PIEZO2: variants seen among roughly 807,000 people sequenced by gnomAD.
PIEZO2 encodes piezo-type mechanosensitive ion channel component 2.
In PIEZO2, 172 loss-of-function variants were observed where a neutral mutation model predicts 337.3. The ratio of observed to expected loss-of-function variants is 0.51; its 90% confidence interval spans 0.45 to 0.58. The LOEUF is 0.58. Among genes scored for constraint, PIEZO2 ranks in the 20% least tolerant of loss-of-function variants. The pLI is 0.00. For synonymous variants in PIEZO2, 1,251 were observed against 1,228.5 expected (o/e 1.02, Z -0.38); for missense variants, 3,028 against 3,391.3 (o/e 0.89, Z 2.66).
At chr18:10,814,201 C>T (rs1271433692) in intron 7 of PIEZO2, among the ~76,000 whole-genome samples, 1 of 152,008 alleles carries the variant, frequency 6.6e-6, no homozygotes, top group Admixed American at 6.5e-5. Flanking sequence ...GATCTCCTGA[C>T]CTCATGATCT....
rs929797069 is a variant in PIEZO2 at position 10,870,815 on chromosome 18, A to C, written c.492+438T>G. ...CCAAGTTAACACCAGTCCACTGAGC[A>C]GGACAAGGTGCACAGACTGGAAAGC... On this transcript the variant is annotated intron_variant, in intron 5 of 55. Transcript: ENST00000674853. This position sits in a 1 kb window ranked among gnomAD's most constrained non-coding sequence, Gnocchi z 5.3. Among the ~76,000 whole-genome samples, 10 of 152,238 alleles carry C rather than the reference A, an allele frequency of 6.6e-5. No homozygotes were observed. Among genetic ancestry groups the C allele is most frequent in the African/African-American group, 2.4e-4 (10 of 41,462 alleles).
rs556302953 is a variant in PIEZO2 at position 10,920,357 on chromosome 18, G to A, written c.287-9129C>T. Among the ~76,000 whole-genome samples, 39 of 152,156 alleles carry A rather than the reference G, an allele frequency of 2.6e-4. No homozygotes were observed. In the South Asian group the frequency reaches 2.7e-3, roughly 11 times the overall value. On this transcript the variant is annotated intron_variant, in intron 3 of 55. Coordinates refer to ENST00000674853, the MANE Select transcript of PIEZO2 (RefSeq NM_001378183.1). ...GTGTCTTTTAGGAGATACGGCACTC[G>A]TCAGCAAAAAGTTATCGGAACAGTT... is the stretch of plus-strand genomic sequence containing the variant.
intron 12 of PIEZO2, among the ~76,000 whole-genome samples, 163 bp downstream of exon 12, chr18:10,797,207 ATATC>A (rs2039640044): frequency 9.2e-6 from 1 of 108,430 alleles, no homozygotes. Flanking sequence ...CCATCATATC[ATATC>A]TTACATACCA....
chr18:10,753,733 A>G (rs1490147674), intron 27 of PIEZO2, among the ~76,000 whole-genome samples: 1 of 152,218 alleles, frequency 6.6e-6, no homozygotes, highest in Non-Finnish European at 1.5e-5. Flanking sequence ...TAAAATATGC[A>G]CTACACTTGA....
Position 10,726,478 on chromosome 18 carries a change from C to A in PIEZO2, c.5029+4929G>T. 6.6e-7 allele frequency: 1 copy of A among 1,522,986 alleles called. No homozygotes were observed. The highest frequency in any genetic ancestry group is 8.8e-7 in the Non-Finnish European group (1 of 1,141,162). 94.3% of individuals were successfully genotyped at this position (1,522,986 alleles called of 1,614,324 possible). A position where few individuals can be genotyped will look rare whatever the true frequency, so the allele number is the denominator to read the frequency against. ...AACCCCACGAGGAGGGCCTGGCCAC[C>A]CTGCACAGCGTGCTGCTCCGCAAGC... On this transcript the variant is annotated intron_variant, in intron 36 of 55. Transcript: ENST00000674853. The surrounding 1 kb of genome is among the most constrained non-coding windows in gnomAD (Gnocchi z 5.9).
intron 1 of PIEZO2, among the ~76,000 whole-genome samples, chr18:11,113,514 T>C (rs1397777631): frequency 1.3e-5 from 2 of 152,214 alleles, no homozygotes; most frequent in Non-Finnish European, 2.9e-5. Flanking sequence ...TCCTTCTTCC[T>C]GCTCTGCCCA....
rs1281946217 is a variant in PIEZO2 at position 11,116,776 on chromosome 18, T to C, written c.64+31749A>G. Among the ~76,000 whole-genome samples the C allele has an allele frequency of 1.3e-5, 2 of 151,582 alleles. No individual in the cohort carries two copies. The highest frequency in any genetic ancestry group is 2.9e-5 in the Non-Finnish European group (2 of 67,910). On this transcript the variant is annotated intron_variant, in intron 1 of 55. Transcript: ENST00000674853. This position sits in a 1 kb window ranked among gnomAD's most constrained non-coding sequence, Gnocchi z 5.0. ...TCTACTGAATGTTACTCCATCTAAC[T>C]GTATAGCACAGTAGGGTGACTATAG...
At chr18:10,774,441 C>A (rs1051427447) in intron 18 of PIEZO2, among the ~76,000 whole-genome samples, 6 of 128,448 alleles carry the variant, frequency 4.7e-5, no homozygotes, top group African/African-American at 1.7e-4. Flanking sequence ...TCCCACTCTG[C>A]CATCTAAAGC....
In PIEZO2 at chr18:10,791,242, A is replaced by G. The variant is rs1237831481; in HGVS notation, c.1841T>C (p.Leu614Ser). 2.6e-6 allele frequency: 4 copies of G among 1,536,274 alleles called. No homozygotes were observed. The highest frequency in any genetic ancestry group is 1.7e-4 in the Middle Eastern group (1 of 6,002). ...QKALQEKEAL[L>S]SEVKIGSQEN... ...CTGACTGCCAATTTTGACTTCCGAT[A>G]AAAGAGCTTCCTTTTCTTGCAGAGC... Residue 614 changes from leucine (L) to serine (S), a missense_variant, in exon 14 of 56, where the codon TTA (leucine) becomes TCA (serine). By Grantham distance (145) the Leu-to-Ser change is moderately radical. This residue lies in a region of PIEZO2 where 1,925 missense variants were observed against 2,051.9 expected (regional missense o/e 0.94). Transcript: ENST00000674853.
intron 8 of PIEZO2, among the ~76,000 whole-genome samples, chr18:10,804,793 G>C (rs1015533674): frequency 1.3e-5 from 2 of 152,132 alleles, no homozygotes; most frequent in African/African-American, 4.8e-5. Flanking sequence ...TTGGTGGCCG[G>C]TATTTTTCAT....
chr18:10,927,443 G>C (rs2031814632), intron 3 of PIEZO2, among the ~76,000 whole-genome samples: 1 of 152,132 alleles, frequency 6.6e-6, no homozygotes, highest in Non-Finnish European at 1.5e-5. Context: ...CCAGGCCATC[G>C]GAGAGGAGCT....
At chr18:10,796,507 T>TA (rs2039604383) in intron 12 of PIEZO2, among the ~76,000 whole-genome samples, 1 of 152,186 alleles carries the variant, frequency 6.6e-6, no homozygotes, top group Non-Finnish European at 1.5e-5. Flanking sequence ...CAATGTCATT[T>TA]AAAAAAACTA....
At chr18:10,810,988 C>T (rs892188489) in intron 7 of PIEZO2, among the ~76,000 whole-genome samples, 1 of 152,178 alleles carries the variant, frequency 6.6e-6, no homozygotes, top group South Asian at 2.1e-4. Flanking sequence ...ACATCCATGG[C>T]CTATCATCTG....
intron 1 of PIEZO2, among the ~76,000 whole-genome samples, chr18:11,140,157 G>A (rs1187027571): frequency 6.6e-6 from 1 of 152,144 alleles, no homozygotes; most frequent in Admixed American, 6.5e-5. Flanking sequence ...ATGGACACCT[G>A]AGGCTCCCTT....
rs1471923303 is a variant in PIEZO2 at position 11,136,183 on chromosome 18, G to A, written c.64+12342C>T. 6.6e-5 allele frequency among the ~76,000 whole-genome samples: 10 copies of A among 152,354 alleles called. No individual in the cohort carries two copies. In the South Asian group the frequency reaches 1.5e-3, roughly 22 times the overall value. Reference sequence around the variant, plus strand: ...AAAATAGTGATAAGTGGAGTCCAGTGAATGAGGCGGGGGCATCCGGCACTG... The same window carrying A: ...AAAATAGTGATAAGTGGAGTCCAGTAAATGAGGCGGGGGCATCCGGCACTG... On this transcript the variant is annotated intron_variant, in intron 1 of 55. Coordinates refer to ENST00000674853, the MANE Select transcript of PIEZO2 (RefSeq NM_001378183.1).
intron 4 of PIEZO2, among the ~76,000 whole-genome samples, chr18:10,892,583 T>C (rs1248748922): frequency 6.6e-6 from 1 of 152,092 alleles, no homozygotes; most frequent in African/African-American, 2.4e-5. Flanking sequence ...TATTTTCAAA[T>C]TCATAGAACT....
chr18:11,011,640 T>A (rs2035906955), intron 2 of PIEZO2, among the ~76,000 whole-genome samples: 1 of 152,218 alleles, frequency 6.6e-6, no homozygotes, highest in Admixed American at 6.5e-5. Context: ...ATATCTATTT[T>A]TCTATCATAT....
chr18:10,927,825 G>A (rs541196077), intron 3 of PIEZO2, among the ~76,000 whole-genome samples: 1 of 152,190 alleles, frequency 6.6e-6, no homozygotes, highest in Admixed American at 6.5e-5. Context: ...CTTTTCTGGG[G>A]TTGATAACTA....
chr18:10,926,282 C>G (rs960882305), intron 3 of PIEZO2, among the ~76,000 whole-genome samples: 1 of 152,162 alleles, frequency 6.6e-6, no homozygotes, highest in African/African-American at 2.4e-5. Flanking sequence ...CATTCAGCGG[C>G]GTCACGTTCA....
Sources: allele counts gnomAD v4.1 joint callset (sites outside exome capture counted in the v4.1 genomes callset), GRCh38; gene constraint gnomAD v4.1.1; regional missense constraint gnomAD v4.1.1; non-coding constraint Gnocchi (gnomAD v3.1); transcripts MANE v1.5; gene names NCBI Gene and HGNC (gene_info 2026-07-23, HGNC 2026-07-21).